SLCO1B3: variants seen among roughly 807,000 people sequenced by gnomAD.
SLCO1B3 encodes liver-specific organic anion transporter 2.
Under a neutral mutation model 71.8 loss-of-function variants are expected in SLCO1B3, and 72 were observed. That is an observed-to-expected ratio of 1.00 (90% CI 0.83 to 1.22). SLCO1B3 has a LOEUF of 1.22. Ranked by LOEUF, SLCO1B3 falls within the 50% of genes most tolerant of loss-of-function variation. The pLI, the probability that SLCO1B3 is intolerant of heterozygous loss-of-function variation, is 0.00. For missense variants in SLCO1B3, 911 were observed against 819.7 expected, an observed-to-expected ratio of 1.11 and a Z score of -1.36; for synonymous variants, 298 against 278.4, an observed-to-expected ratio of 1.07 and a Z score of -0.70.
intron 3 of SLCO1B3, among the ~76,000 whole-genome samples, chr12:20,823,832 C>T (rs1373163316): frequency 1.3e-5 from 2 of 152,046 alleles, no homozygotes; most frequent in Admixed American, 1.3e-4. Flanking sequence ...CTTTACTTAC[C>T]ACAGGTCATG....
intron 6 of SLCO1B3, among the ~76,000 whole-genome samples, chr12:20,861,778 T>C (rs1485323554): frequency 1.3e-5 from 2 of 152,106 alleles, no homozygotes; most frequent in Non-Finnish European, 2.9e-5. Flanking sequence ...TCTGTATTGC[T>C]GGGAGAGTAT....
chr12:20,894,064 C>T (rs773925651), intron 13 of SLCO1B3, among the ~76,000 whole-genome samples: 4 of 152,152 alleles, frequency 2.6e-5, no homozygotes, highest in South Asian at 4.1e-4. Context: ...TTAGGTCTAA[C>T]TGGAAATTAC....
intron 3 of SLCO1B3, among the ~76,000 whole-genome samples, chr12:20,822,595 G>A (rs1380754467): frequency 6.6e-6 from 1 of 152,154 alleles, no homozygotes. Flanking sequence ...GGGATGGCTT[G>A]GCTTGGGCTC....
chr12:20,839,291 C>G (rs1864746808), intron 3 of SLCO1B3, among the ~76,000 whole-genome samples: 1 of 151,988 alleles, frequency 6.6e-6, no homozygotes, highest in Admixed American at 6.6e-5. Context: ...AGCTTCTGAT[C>G]TATATTATTT....
intron 13 of SLCO1B3, among the ~76,000 whole-genome samples, chr12:20,894,730 A>G (rs757410153): frequency 1.1e-4 from 17 of 152,314 alleles, no homozygotes; most frequent in Middle Eastern, 3.4e-3. Context: ...AGTAATAACT[A>G]AATAGATAAG....
In SLCO1B3 at chr12:20,883,599, T is replaced by C. The variant is rs12299012; in HGVS notation, c.1679T>C (p.Val560Ala). ...TGGTTFILLTVKIVQPELKAL... is the reference protein window; with the variant it reads ...TGGTTFILLTAKIVQPELKAL... The stretch of plus-strand genomic sequence containing the variant: ...GGTACCACATTTATCTTGTTGACTG[T>C]GAAGTAAGTATGATCCTGTAAAACA... The change falls in exon 13 of 16, where the codon GTG becomes GCG. Residue 560 changes from valine to alanine, a missense_variant. Transcript: ENST00000381545. 1.3e-3 allele frequency: 2,103 copies of C among 1,580,944 alleles called. 29 individuals are homozygous for C. The African/African-American group carries it at 0.026, about 20-fold the overall frequency.
At chr12:20,840,924 G>A (rs567345838) in intron 3 of SLCO1B3, among the ~76,000 whole-genome samples, 119 of 152,208 alleles carry the variant, frequency 7.8e-4, no homozygotes, top group Non-Finnish European at 1.5e-3. Flanking sequence ...CACTCTGCTA[G>A]AATGAGAAGA....
At chr12:20,914,482 T>C (rs1866452128) in intron 15 of SLCO1B3, among the ~76,000 whole-genome samples, 1 of 152,098 alleles carries the variant, frequency 6.6e-6, no homozygotes, top group Non-Finnish European at 1.5e-5. Flanking sequence ...CATACACATA[T>C]GAATAAGCAT....
At chr12:20,817,825 C>T (rs563353441) in intron 3 of SLCO1B3, among the ~76,000 whole-genome samples, 10 of 151,926 alleles carry the variant, frequency 6.6e-5, no homozygotes, top group Non-Finnish European at 1.2e-4. Context: ...CTCCTGACCT[C>T]GTGATCCGCC....
intron 14 of SLCO1B3, 76 bp from the exon 15 acceptor site, chr12:20,901,274 G>A: frequency 1.1e-6 from 1 of 943,854 alleles, no homozygotes; most frequent in Non-Finnish European, 1.6e-6. Context: ...AATCCAAAAT[G>A]TATCAATATC....
intron 3 of SLCO1B3, among the ~76,000 whole-genome samples, chr12:20,843,242 C>G (rs527304675): frequency 7.6e-4 from 115 of 152,034 alleles, no homozygotes; most frequent in African/African-American, 2.6e-3. Flanking sequence ...TTTTTGGTCT[C>G]ATTTTTTAAA....
rs368139098 is a variant in SLCO1B3, at chr12:20,857,088, C to G, written c.227-1351C>G. On this transcript the variant is annotated intron_variant, in intron 4 of 15. Coordinates refer to ENST00000381545, the MANE Select transcript of SLCO1B3 (RefSeq NM_019844.4). ...GTATGGAATTAAAATTTCCAAATCCCTTTTTCTCAAAACATTAAAAATATT... is the reference window on the plus strand; with the variant it reads ...GTATGGAATTAAAATTTCCAAATCCGTTTTTCTCAAAACATTAAAAATATT... 2.1e-3 allele frequency among the ~76,000 whole-genome samples: 318 copies of G among 152,170 alleles called. 2 individuals are homozygous for G. Among genetic ancestry groups the G allele is most frequent in the African/African-American group, 7.4e-3 (309 of 41,526 alleles).
chr12:20,886,559 A>G lies in SLCO1B3; in HGVS notation c.1682+2957A>G, dbSNP rs577637989. 2.9e-4 allele frequency among the ~76,000 whole-genome samples: 44 copies of G among 152,226 alleles called. No individual in the cohort carries two copies. In the South Asian group the frequency reaches 5.0e-3, roughly 17 times the overall value. ...CACAGTGAAGAATATATGAAGAAGC[A>G]GTGAATAAAGAAACTATGTCAAGGC... On this transcript the variant is annotated intron_variant, in intron 13 of 15. Coordinates refer to ENST00000381545, the MANE Select transcript of SLCO1B3 (RefSeq NM_019844.4).
Position 20,916,274 on chromosome 12 carries a change from T to C in SLCO1B3, c.*27T>C. 1 of 1,599,796 alleles carries C rather than the reference T, an allele frequency of 6.3e-7. No individual in the cohort carries two copies. Among genetic ancestry groups the C allele is most frequent in the Non-Finnish European group, 8.5e-7 (1 of 1,171,818 alleles). ...ATTGCATTGATTCATTAAGATGTTA[T>C]TTTTGAGGTGTTCCTGGTCTTTCAC... On this transcript the variant is annotated 3_prime_UTR_variant, in exon 16 of 16. Transcript: ENST00000381545.
At chr12:20,912,324 T>C (rs1261540606) in intron 15 of SLCO1B3, among the ~76,000 whole-genome samples, 1 of 147,054 alleles carries the variant, frequency 6.8e-6, no homozygotes, top group Non-Finnish European at 1.5e-5. Context: ...TTTATTTATT[T>C]ATTTATTTAT....
chr12:20,831,947 A>G (rs770284436), intron 3 of SLCO1B3, among the ~76,000 whole-genome samples: 2 of 152,156 alleles, frequency 1.3e-5, no homozygotes, highest in Admixed American at 6.5e-5. Flanking sequence ...AGATGTTATT[A>G]TCTCCCTTTG....
At chr12:20,860,145 CG>C (rs1865229083) in intron 5 of SLCO1B3, among the ~76,000 whole-genome samples, 1 of 151,772 alleles carries the variant, frequency 6.6e-6, no homozygotes, top group Admixed American at 6.6e-5. Flanking sequence ...TTAGTAGAGA[CG>C]GGGTTTCACT....
chr12:20,889,094 G>GTTT (rs34861372), intron 13 of SLCO1B3, among the ~76,000 whole-genome samples: 5 of 143,282 alleles, frequency 3.5e-5, no homozygotes, highest in Non-Finnish European at 6.1e-5. Flanking sequence ...ATTTTCTAGA[G>GTTT]TTTTTTTTTT....
chr12:20,871,655 T>C (rs1865476710), intron 8 of SLCO1B3, among the ~76,000 whole-genome samples: 1 of 152,158 alleles, frequency 6.6e-6, no homozygotes, highest in African/African-American at 2.4e-5. Context: ...TTGGAAAGTA[T>C]ATGGAAGAAT....
Sources: gnomAD v4.1 joint callset for allele counts (sites outside exome capture counted in the v4.1 genomes callset) on GRCh38, gnomAD v4.1.1 for gene constraint, MANE v1.5 for transcripts, NCBI Gene and HGNC (gene_info 2026-07-23, HGNC 2026-07-21) for gene names.